The following ACOX2 variants were observed in gnomAD, a reference collection of about 807,000 sequenced individuals.
The protein encoded by ACOX2 is acyl-CoA oxidase 2.
A neutral mutation model predicts 77.5 loss-of-function variants in ACOX2; 59 were observed. The observed-to-expected ratio is 0.76, with a 90% CI of 0.62 to 0.95. The LOEUF is 0.95. Among genes scored for constraint, ACOX2 ranks in the 40% least tolerant of loss-of-function variants. The pLI, the probability that ACOX2 is intolerant of heterozygous loss-of-function variation, is 0.00. For synonymous variants in ACOX2, 317 were observed against 340.1 expected (o/e 0.93, Z 0.75); for missense variants, 837 against 880.4 (o/e 0.95, Z 0.62).
intron 13 of ACOX2, 129 bp from the exon 14 acceptor site, chr3:58,509,154 T>C (rs745428988): frequency 2.9e-4 from 325 of 1,104,580 alleles, no homozygotes; most frequent in Non-Finnish European, 3.9e-4. Flanking sequence ...ATTCAGCATT[T>C]TTTTTTAGTT....
At chr3:58,520,342 A>G (rs9856252) in intron 12 of ACOX2, among the ~76,000 whole-genome samples, 17,963 of 152,278 alleles carry the variant, frequency 0.12, 1,157 homozygotes, top group East Asian at 0.22. Context: ...GGCCAAAGCC[A>G]CAGGAGACTG....
At chr3:58,530,800 T>G (rs2063433014) in intron 7 of ACOX2, among the ~76,000 whole-genome samples, 162 bp from the exon 8 acceptor site, 1 of 152,188 alleles carries the variant, frequency 6.6e-6, no homozygotes, top group African/African-American at 2.4e-5. Context: ...CCAAGTGCCC[T>G]GCTTCACAGT....
At position 58,534,517 on chromosome 3, in the gene ACOX2, T is replaced by C. The variant is rs1389149346; in HGVS notation, c.166A>G (p.Ile56Val). ...CTAAACTCCGGGTAACTGTGGATGATGCTCTCTGCAGAGGACAGAGAACAG... is the reference window on the plus strand; with the variant it reads ...CTAAACTCCGGGTAACTGTGGATGACGCTCTCTGCAGAGGACAGAGAACAG... ...NTALRRKVES[I>V]IHSYPEFSCK... The change falls in exon 3 of 15, where the codon ATC (isoleucine) becomes GTC (valine). Residue 56 changes from isoleucine (I) to valine (V), a missense_variant. Physicochemically the swap from Ile to Val is conservative, Grantham distance 29. Coordinates refer to ENST00000302819, the MANE Select transcript of ACOX2 (RefSeq NM_003500.4). The surrounding 1 kb of genome is among the most constrained non-coding windows in gnomAD (Gnocchi z 4.8). 2.5e-6 allele frequency: 4 copies of C among 1,614,224 alleles called. No homozygotes were observed. Among genetic ancestry groups the C allele is most frequent in the Non-Finnish European group, 3.4e-6 (4 of 1,180,026 alleles).
chr3:58,531,304 G>A lies in ACOX2; in HGVS notation c.766C>T (p.Gln256Ter). 1.9e-6 allele frequency: 3 copies of A among 1,613,776 alleles called. No individual in the cohort carries two copies. Among genetic ancestry groups the A allele is most frequent in the Non-Finnish European group, 2.5e-6 (3 of 1,180,024 alleles). ...CTGGGGACCCGCACATGGTTCAGCT[G>A]CAGGAAGCCATTGTCTGTTTGATCA... Reference protein sequence around the residue: ...DFDQTDNGFLQLNHVRVPREN... With the variant: ...DFDQTDNGFL Residue 256 changes from glutamine (Q) to a stop codon, truncating the protein, a stop_gained, in exon 7 of 15, where the codon CAG becomes TAG. Coordinates refer to ENST00000302819, the MANE Select transcript of ACOX2 (RefSeq NM_003500.4). LOFTEE classifies it high-confidence loss of function. The surrounding 1 kb of genome is among the most constrained non-coding windows in gnomAD (Gnocchi z 5.8).
intron 14 of ACOX2, among the ~76,000 whole-genome samples, chr3:58,506,633 T>C (rs773827811): frequency 1.1e-4 from 16 of 151,952 alleles, no homozygotes; most frequent in Admixed American, 5.9e-4. Context: ...TCTCTACTAA[T>C]ACAAAATACA....
At position 58,521,944 on chromosome 3, in the gene ACOX2, T is replaced by C. The variant is rs1368741235; in HGVS notation, c.1632+552A>G. Among the ~76,000 whole-genome samples, 1 of 152,236 alleles carries C rather than the reference T, an allele frequency of 6.6e-6. No homozygotes were observed. Among genetic ancestry groups the C allele is most frequent in the Non-Finnish European group, 1.5e-5 (1 of 68,044 alleles). ...CTTATCCTTGAAGTCTTAGCTGATA[T>C]GCCACTTCTTTTGGGAAGCCTTTCT... On this transcript the variant is annotated intron_variant, in intron 12 of 14. Coordinates refer to ENST00000302819, the MANE Select transcript of ACOX2 (RefSeq NM_003500.4). This position sits in a 1 kb window ranked among gnomAD's most constrained non-coding sequence, Gnocchi z 4.8.
rs185584176 is a variant in ACOX2 at position 58,507,326 on chromosome 3, A to G, written c.1983+1567T>C. 3.9e-5 allele frequency among the ~76,000 whole-genome samples: 6 copies of G among 152,226 alleles called. No individual in the cohort carries two copies. In the East Asian group the frequency reaches 1.2e-3, roughly 29 times the overall value. On this transcript the variant is annotated intron_variant, in intron 14 of 14. Transcript: ENST00000302819. ...GTCAAGTGGAAGGAGATAGAAGTGA[A>G]TGGGATGAAGTGCATCAATGTTTTC... is the stretch of plus-strand genomic sequence containing the variant.
rs1186828184 is a variant in ACOX2 at position 58,514,433 on chromosome 3, A to C, written c.1850+2773T>G. 6.6e-6 allele frequency among the ~76,000 whole-genome samples: 1 copy of C among 152,182 alleles called. No homozygotes were observed. The highest frequency in any genetic ancestry group is 1.5e-5 in the Non-Finnish European group (1 of 68,036). On this transcript the variant is annotated intron_variant, in intron 13 of 14. Coordinates refer to ENST00000302819, the MANE Select transcript of ACOX2 (RefSeq NM_003500.4). The surrounding 1 kb of genome is among the most constrained non-coding windows in gnomAD (Gnocchi z 4.3). ...TTTATGACCGCTTAAACAACTAAAA[A>C]CTGTTTGGGTCAGTTAACATTGCAG...
rs1577000692 is a variant in ACOX2 at position 58,531,617 on chromosome 3, T to G, written c.703+76A>C. On this transcript the variant is annotated intron_variant, in intron 6 of 14. Coordinates refer to ENST00000302819, the MANE Select transcript of ACOX2 (RefSeq NM_003500.4). The surrounding 1 kb of genome is among the most constrained non-coding windows in gnomAD (Gnocchi z 5.8). ...CATGTCTTAGCTACTCCTGTGGCCC[T>G]CTGGGGCCCCAGGTCAGGGAGGCCA... 2 of 1,569,060 alleles carry G rather than the reference T, an allele frequency of 1.3e-6. No individual in the cohort carries two copies. Among genetic ancestry groups the G allele is most frequent in the Admixed American group, 1.9e-5 (1 of 54,028 alleles).
chr3:58,518,093 A>G (rs1445578430), intron 12 of ACOX2, among the ~76,000 whole-genome samples: 5 of 151,374 alleles, frequency 3.3e-5, no homozygotes, highest in African/African-American at 9.7e-5. Context: ...AAAAAAAAAA[A>G]AAAAAAAGAA....
intron 9 of ACOX2, among the ~76,000 whole-genome samples, chr3:58,527,364 C>T (rs2063403473): frequency 6.6e-6 from 1 of 151,866 alleles, no homozygotes; most frequent in African/African-American, 2.4e-5. Context: ...AGTGAAACCC[C>T]GTCTCTACTA....
At chr3:58,530,322 T>G in intron 8 of ACOX2, 144 bp downstream of exon 8, 21 of 1,205,906 alleles carry the variant, frequency 1.7e-5, no homozygotes, top group Non-Finnish European at 2.3e-5. Context: ...GCTGGGTAGA[T>G]TTTGTGTTTG....
rs2063441285 is a variant in ACOX2 at position 58,531,721 on chromosome 3, C to T, written c.675G>A (p.Arg225=). ...GCAGTGGGGTGTGGTCCTGAAGACT[C>T]CGGATTGGCACAATAAAAGCGTGCA... ...RGMHAFIVPI[R]SLQDHTPLPG... is the part of the protein sequence containing the mutation. Residue 225 remains arginine (R), a synonymous_variant, in exon 6 of 15, where the codon CGG becomes CGA. Coordinates refer to ENST00000302819, the MANE Select transcript of ACOX2 (RefSeq NM_003500.4). This position sits in a 1 kb window ranked among gnomAD's most constrained non-coding sequence, Gnocchi z 5.8. The T allele has an allele frequency of 6.2e-7, 1 of 1,614,168 alleles. No homozygotes were observed. Among genetic ancestry groups the T allele is most frequent in the Non-Finnish European group, 8.5e-7 (1 of 1,180,018 alleles).
At position 58,534,590 on chromosome 3, in the gene ACOX2, A is replaced by G. The variant is rs1166288385; in HGVS notation, c.161-68T>C. The G allele has an allele frequency of 6.2e-7, 1 of 1,612,026 alleles. No homozygotes were observed. Among genetic ancestry groups the G allele is most frequent in the Non-Finnish European group, 8.5e-7 (1 of 1,179,594 alleles). ...GTTTCTGGCACCTTGAAATCTTCTC[A>G]CCCACTTGCTTCATGGATCTGGAAA... On this transcript the variant is annotated intron_variant, in intron 2 of 14. Coordinates refer to ENST00000302819, the MANE Select transcript of ACOX2 (RefSeq NM_003500.4). The surrounding 1 kb of genome is among the most constrained non-coding windows in gnomAD (Gnocchi z 4.8).
At position 58,526,922 on chromosome 3, in the gene ACOX2, G is replaced by A. The variant is rs2063399798; in HGVS notation, c.1156-266C>T. Among the ~76,000 whole-genome samples the A allele has an allele frequency of 6.6e-6, 1 of 152,130 alleles. No homozygotes were observed. Among genetic ancestry groups the A allele is most frequent in the South Asian group, 2.1e-4 (1 of 4,830 alleles). On this transcript the variant is annotated intron_variant, in intron 9 of 14. Transcript: ENST00000302819. The surrounding 1 kb of genome is among the most constrained non-coding windows in gnomAD (Gnocchi z 4.3). Reference sequence around the variant, plus strand: ...CCAGTGTCTCCAGGATTGGGAAGAGGGTGCTGCCTGGATTGGGCCCACAAA... The same window carrying A: ...CCAGTGTCTCCAGGATTGGGAAGAGAGTGCTGCCTGGATTGGGCCCACAAA...
intron 9 of ACOX2, among the ~76,000 whole-genome samples, chr3:58,527,471 G>C (rs961424592): frequency 6.8e-6 from 1 of 147,548 alleles, no homozygotes; most frequent in African/African-American, 2.6e-5. Flanking sequence ...GGGAGGCGGA[G>C]GTTGCAGTGA....
Position 58,509,481 on chromosome 3 carries a change from T to G in ACOX2, c.1851-456A>C, listed in dbSNP as rs62259831. Among the ~76,000 whole-genome samples, 8 of 151,514 alleles carry G rather than the reference T, an allele frequency of 5.3e-5. No homozygotes were observed. The East Asian group carries it at 1.4e-3, about 26-fold the overall frequency. ...GGCGGAGGTTGCAGTGAGTGGAGAT[T>G]ATGCCACTGCACTCCAGCCTGGGCG... On this transcript the variant is annotated intron_variant, in intron 13 of 14. Coordinates refer to ENST00000302819, the MANE Select transcript of ACOX2 (RefSeq NM_003500.4).
In ACOX2 at chr3:58,510,646, A is replaced by AT. The variant is rs2063272193; in HGVS notation, c.1851-1622_1851-1621insA. ...AGACTCCCGCTCAAAAAAAAAAAAA[A>AT]AAAAAAAAAAAAAAAAAATATATAT... On this transcript the variant is annotated intron_variant, in intron 13 of 14. Coordinates refer to ENST00000302819, the MANE Select transcript of ACOX2 (RefSeq NM_003500.4). 5.7e-5 allele frequency among the ~76,000 whole-genome samples: 2 copies of AT among 35,310 alleles called. 1 individual carries two copies. The highest frequency in any genetic ancestry group is 1.0e-4 in the Non-Finnish European group (2 of 19,598). 23.2% of individuals were successfully genotyped at this position (35,310 alleles called of 152,430 possible).
At chr3:58,510,552 G>A (rs2063270915) in intron 13 of ACOX2, among the ~76,000 whole-genome samples, 1 of 139,642 alleles carries the variant, frequency 7.2e-6, no homozygotes, top group African/African-American at 2.7e-5. Context: ...AGAATCGCTT[G>A]AACCTGGGAG....
Sources: allele counts gnomAD v4.1 joint callset (sites outside exome capture counted in the v4.1 genomes callset), GRCh38; gene constraint gnomAD v4.1.1; non-coding constraint Gnocchi (gnomAD v3.1); transcripts MANE v1.5; gene names NCBI Gene and HGNC (gene_info 2026-07-23, HGNC 2026-07-21).